The following COG5 variants were observed in gnomAD, a reference collection of about 807,000 sequenced individuals.
The protein encoded by COG5 is component of oligomeric golgi complex 5.
In COG5, 86 loss-of-function variants were observed where a neutral mutation model predicts 110.4. That is an observed-to-expected ratio of 0.78 (90% CI 0.65 to 0.93). The LOEUF (loss-of-function observed/expected upper bound fraction) is 0.93, where lower values mean the gene tolerates loss of function less well. COG5 is among the 40% of genes least tolerant of loss of function. COG5 has a pLI of 0.00. For missense variants in COG5, 1,077 were observed against 987.0 expected (o/e 1.09, Z -1.22); for synonymous variants, 360 against 334.6 (o/e 1.08, Z -0.83).
intron 6 of COG5, among the ~76,000 whole-genome samples, chr7:107,483,706 T>TA (rs573563571): frequency 1.7e-3 from 214 of 128,308 alleles, no homozygotes; most frequent in African/African-American, 3.5e-3. Flanking sequence ...AAACTGCATC[T>TA]AAAAAAAAAA....
chr7:107,389,661 C>G (rs961193016), intron 7 of COG5, among the ~76,000 whole-genome samples: 3 of 152,128 alleles, frequency 2.0e-5, no homozygotes, highest in African/African-American at 7.2e-5. Context: ...GGAGCCCCCA[C>G]GGCCATTTGC....
At chr7:107,294,463 A>G (rs1176326292) in intron 12 of COG5, among the ~76,000 whole-genome samples, 1 of 152,122 alleles carries the variant, frequency 6.6e-6, no homozygotes, top group Admixed American at 6.5e-5. Context: ...GCCCCCCCTA[A>G]GTTGTCTACA....
chr7:107,211,112 T>G lies in COG5; in HGVS notation c.2282A>C (p.Lys761Thr), dbSNP rs1799130194. ...TTTATTTATTACCTGGAAAGGAGAT[T>G]TCAGTTCAGCGGGTGCTCTCGTGAA... is the stretch of plus-strand genomic sequence containing the variant. Reference protein sequence around the residue: ...FLFTRAPAELKSPFQRAEWSH... With the variant: ...FLFTRAPAELTSPFQRAEWSH... The change falls in exon 20 of 22, where the codon AAA becomes ACA. Residue 761 changes from lysine to threonine, a missense_variant. Coordinates refer to ENST00000297135, the MANE Select transcript of COG5 (RefSeq NM_006348.5). The G allele has an allele frequency of 6.2e-7, 1 of 1,614,014 alleles. No individual in the cohort carries two copies. The highest frequency in any genetic ancestry group is 8.5e-7 in the Non-Finnish European group (1 of 1,180,022).
rs560679554 is a variant in COG5, at chr7:107,533,327, T to C, written c.418-5970A>G. On this transcript the variant is annotated intron_variant, in intron 5 of 21. Transcript: ENST00000297135. ...GTGGATGGGGAATCAGTTTGACAAA[T>C]TGACAGAAGGAGACTTCAGAAGGCG... Among the ~76,000 whole-genome samples, 17 of 151,460 alleles carry C rather than the reference T, an allele frequency of 1.1e-4. No homozygotes were observed. In the South Asian group the frequency reaches 2.1e-3, roughly 19 times the overall value.
intron 10 of COG5, among the ~76,000 whole-genome samples, chr7:107,358,509 A>G (rs756249124): frequency 4.6e-5 from 7 of 152,198 alleles, no homozygotes; most frequent in Non-Finnish European, 2.9e-5. Context: ...TACGTGCACA[A>G]AAGAGTTAAC....
intron 1 of COG5, among the ~76,000 whole-genome samples, chr7:107,563,261 C>A (rs1804063126): frequency 6.6e-6 from 1 of 152,070 alleles, no homozygotes; most frequent in African/African-American, 2.4e-5. Context: ...CTCAAACCCT[C>A]CCCCACGTGT....
At chr7:107,529,971 C>G (rs1801078584) in intron 5 of COG5, among the ~76,000 whole-genome samples, 1 of 152,158 alleles carries the variant, frequency 6.6e-6, no homozygotes, top group African/African-American at 2.4e-5. Flanking sequence ...AACGTAAAAT[C>G]TCATTCCTCT....
intron 5 of COG5, among the ~76,000 whole-genome samples, chr7:107,531,749 T>C: frequency 6.6e-6 from 1 of 151,664 alleles, no homozygotes; most frequent in East Asian, 1.9e-4. Context: ...CTCTTATCCT[T>C]ATTGATGCTC....
Position 107,412,621 on chromosome 7 carries a change from G to A in COG5, c.550C>T (p.Gln184Ter). ...QSLNELDYLS[Q>*]GIDLSGIEVI... Reference sequence around the variant, plus strand: ...TCTATTCCAGAAAGATCTATTCCTTGAGAAAGATAATCTGTTTAAAACAAA... The same window carrying A: ...TCTATTCCAGAAAGATCTATTCCTTAAGAAAGATAATCTGTTTAAAACAAA... Residue 184 changes from glutamine to a stop codon, truncating the protein, a stop_gained, in exon 7 of 22, where the codon CAA becomes TAA. Coordinates refer to ENST00000297135, the MANE Select transcript of COG5 (RefSeq NM_006348.5). LOFTEE classifies it high-confidence loss of function. The A allele has an allele frequency of 6.5e-7, 1 of 1,534,562 alleles. No homozygotes were observed. Among genetic ancestry groups the A allele is most frequent in the African/African-American group, 1.4e-5 (1 of 72,898 alleles).
intron 12 of COG5, among the ~76,000 whole-genome samples, chr7:107,286,421 GTGCTCTCATTAGCACCC>G (rs1805635714): frequency 1.3e-5 from 2 of 151,964 alleles, no homozygotes. Context: ...TCATTTCAAG[GTGCTCTCATTAGCACCC>G]TGATTTTTCC....
rs533041108 is a variant in COG5 at position 107,298,605 on chromosome 7, C to A, written c.1109-259G>T. On this transcript the variant is annotated intron_variant, in intron 11 of 21. Transcript: ENST00000297135. The stretch of plus-strand genomic sequence containing the variant: ...AGCCCACAATTGTAGTTGAAGATTT[C>A]AATTCCCTTTTTCAAGAATCAAGAA... Among the ~76,000 whole-genome samples the A allele has an allele frequency of 1.5e-4, 23 of 152,250 alleles. No homozygotes were observed. The South Asian group carries it at 2.5e-3, about 16-fold the overall frequency.
At chr7:107,237,505 G>A (rs948757161) in intron 17 of COG5, among the ~76,000 whole-genome samples, 6 of 152,176 alleles carry the variant, frequency 3.9e-5, no homozygotes, top group Non-Finnish European at 5.9e-5. Context: ...TGAGAATGAC[G>A]TAGAGAAATT....
intron 10 of COG5, among the ~76,000 whole-genome samples, chr7:107,359,323 C>T (rs1812895310): frequency 6.6e-6 from 1 of 152,190 alleles, no homozygotes; most frequent in Non-Finnish European, 1.5e-5. Flanking sequence ...GGCAGCACAC[C>T]AGCCCTCTGC....
chr7:107,429,307 A>T (rs1320791012), intron 6 of COG5, among the ~76,000 whole-genome samples: 1 of 152,142 alleles, frequency 6.6e-6, no homozygotes, highest in Non-Finnish European at 1.5e-5. Context: ...TGTCTTTTTA[A>T]TTTTAGTCAT....
Position 107,257,298 on chromosome 7 carries a change from A to T in COG5, c.1687-504T>A, listed in dbSNP as rs192049995. Among the ~76,000 whole-genome samples, 12 of 152,224 alleles carry T rather than the reference A, an allele frequency of 7.9e-5. No homozygotes were observed. The East Asian group carries it at 2.3e-3, about 29-fold the overall frequency. Reference sequence around the variant, plus strand: ...TTGCTTGTGGTGCTTTGGAGTAATGATTAAAGAAAATGGAAAATACATCAT... The same window carrying T: ...TTGCTTGTGGTGCTTTGGAGTAATGTTTAAAGAAAATGGAAAATACATCAT... On this transcript the variant is annotated intron_variant, in intron 15 of 21. Transcript: ENST00000297135.
At chr7:107,506,195 T>TA (rs1798983443) in intron 6 of COG5, among the ~76,000 whole-genome samples, 1 of 152,176 alleles carries the variant, frequency 6.6e-6, no homozygotes, top group African/African-American at 2.4e-5. Context: ...GGAGATGATG[T>TA]AATGGACTGT....
chr7:107,474,082 G>T lies in COG5; in HGVS notation c.538+53155C>A. The stretch of plus-strand genomic sequence containing the variant: ...AAGAATGTGTTTTTCTCCCATTCTG[G>T]AAATCAACATGCAGTCTGAATCTAA... On this transcript the variant is annotated intron_variant, in intron 6 of 21. Transcript: ENST00000297135. The surrounding 1 kb of genome is among the most constrained non-coding windows in gnomAD (Gnocchi z 5.7). 1 of 1,568,300 alleles carries T rather than the reference G, an allele frequency of 6.4e-7. No individual in the cohort carries two copies. Among genetic ancestry groups the T allele is most frequent in the Non-Finnish European group, 8.7e-7 (1 of 1,154,608 alleles).
chr7:107,384,767 G>A (rs1382695724), intron 7 of COG5, among the ~76,000 whole-genome samples: 3 of 152,190 alleles, frequency 2.0e-5, no homozygotes, highest in African/African-American at 7.2e-5. Flanking sequence ...CTGTCTGTAA[G>A]CAAGAAGCAG....
intron 6 of COG5, among the ~76,000 whole-genome samples, chr7:107,438,164 A>G (rs777079608): frequency 5.9e-5 from 9 of 152,196 alleles, no homozygotes; most frequent in Non-Finnish European, 1.3e-4. Context: ...TGACTCTTTG[A>G]CATAAATATT....
Sources: allele counts gnomAD v4.1 joint callset (sites outside exome capture counted in the v4.1 genomes callset), GRCh38; gene constraint gnomAD v4.1.1; non-coding constraint Gnocchi (gnomAD v3.1); transcripts MANE v1.5; gene names NCBI Gene and HGNC (gene_info 2026-07-23, HGNC 2026-07-21).